Variants in AGBL4 observed in about 807,000 individuals in gnomAD.
AGBL4 encodes cytosolic carboxypeptidase 6.
Under a neutral mutation model 66.4 loss-of-function variants are expected in AGBL4, and 58 were observed. That is an observed-to-expected ratio of 0.87 (90% CI 0.71 to 1.09). AGBL4 has a LOEUF of 1.09. AGBL4 is among the 50% of genes least tolerant of loss of function. The probability of loss-of-function intolerance (pLI) is 0.00; values close to 1 mark genes in which losing one functional copy is unlikely to be tolerated. For synonymous variants in AGBL4, 234 were observed against 222.9 expected (o/e 1.05, Z -0.44); for missense variants, 579 against 631.0 (o/e 0.92, Z 0.88).
intron 3 of AGBL4, among the ~76,000 whole-genome samples, chr1:49,592,298 C>T (rs1644765961): frequency 4.6e-5 from 7 of 152,156 alleles, no homozygotes; most frequent in Admixed American, 4.6e-4. Context: ...AGGCTGGGCT[C>T]AGTGGCTCAC....
chr1:49,964,930 T>C (rs997676640), intron 1 of AGBL4, among the ~76,000 whole-genome samples: 5 of 152,178 alleles, frequency 3.3e-5, no homozygotes, highest in Non-Finnish European at 5.9e-5. Context: ...TGAATGTGAA[T>C]ATAAAACATA....
At chr1:49,878,321 A>G (rs1444055438) in intron 1 of AGBL4, among the ~76,000 whole-genome samples, 6 of 147,518 alleles carry the variant, frequency 4.1e-5, no homozygotes, top group African/African-American at 1.3e-4. Context: ...CCCTCTACAC[A>G]CTGCTTTGAA....
chr1:49,603,940 ACACAC>A (rs1645015736), intron 3 of AGBL4, among the ~76,000 whole-genome samples: 1 of 107,090 alleles, frequency 9.3e-6, no homozygotes, highest in African/African-American at 7.2e-5. Flanking sequence ...ACACACACAC[ACACAC>A]ACACACACAC....
chr1:48,872,771 T>A (rs1439389763), intron 5 of AGBL4, among the ~76,000 whole-genome samples: 2 of 152,064 alleles, frequency 1.3e-5, no homozygotes, highest in African/African-American at 4.8e-5. Flanking sequence ...TGAGCTCTGT[T>A]ATCCTAGGCA....
intron 2 of AGBL4, among the ~76,000 whole-genome samples, chr1:49,709,039 G>A (rs1254968154): frequency 2.6e-5 from 4 of 152,194 alleles, no homozygotes; most frequent in Non-Finnish European, 5.9e-5. Context: ...GGTGGTCAGG[G>A]ACCCAAATGA....
At chr1:49,122,609 T>G (rs1226124511) in intron 4 of AGBL4, among the ~76,000 whole-genome samples, 2 of 152,208 alleles carry the variant, frequency 1.3e-5, no homozygotes, top group African/African-American at 4.8e-5. Flanking sequence ...AGTTGTTAAG[T>G]GTAAAAGCTC....
intron 6 of AGBL4, among the ~76,000 whole-genome samples, chr1:48,728,845 A>G (rs1215882918): frequency 2.0e-5 from 3 of 152,238 alleles, no homozygotes; most frequent in African/African-American, 7.2e-5. Flanking sequence ...GCCCCATTTC[A>G]ATAGTACTTG....
intron 3 of AGBL4, among the ~76,000 whole-genome samples, chr1:49,278,057 G>A (rs2148398872): frequency 6.6e-6 from 1 of 152,240 alleles, no homozygotes; most frequent in South Asian, 2.1e-4. Flanking sequence ...TACAGAAGAG[G>A]AAACTGAAGC....
chr1:49,890,257 A>G (rs1648506044), intron 1 of AGBL4, among the ~76,000 whole-genome samples: 1 of 152,234 alleles, frequency 6.6e-6, no homozygotes, highest in Admixed American at 6.5e-5. Context: ...ATTAAAATCC[A>G]GCTCTGATTT....
intron 4 of AGBL4, among the ~76,000 whole-genome samples, chr1:49,114,093 C>G (rs1645468289): frequency 2.6e-5 from 4 of 152,220 alleles, no homozygotes; most frequent in African/African-American, 9.6e-5. Flanking sequence ...GACTTCTCCT[C>G]TCTAGCTATG....
intron 3 of AGBL4, among the ~76,000 whole-genome samples, chr1:49,395,785 ATATG>A (rs1180102147): frequency 2.2e-5 from 3 of 138,726 alleles, no homozygotes; most frequent in Admixed American, 7.6e-5. Context: ...ACATGTGTAT[ATATG>A]TATATATATA....
intron 3 of AGBL4, among the ~76,000 whole-genome samples, chr1:49,252,081 A>C (rs1652111855): frequency 6.6e-6 from 1 of 152,160 alleles, no homozygotes; most frequent in South Asian, 2.1e-4. Context: ...CAGAAATAGC[A>C]TTCAGAATAT....
At chr1:48,936,448 T>A (rs141178439) in intron 5 of AGBL4, among the ~76,000 whole-genome samples, 1 of 152,246 alleles carries the variant, frequency 6.6e-6, no homozygotes, top group Admixed American at 6.5e-5. Context: ...AAAAGAGACA[T>A]GAAAAGCCAG....
chr1:49,622,628 C>CAAAAAAA (rs71059557), intron 3 of AGBL4, among the ~76,000 whole-genome samples: 11 of 65,488 alleles, frequency 1.7e-4, no homozygotes, highest in East Asian at 6.6e-4. Context: ...GACTCCGTCT[C>CAAAAAAA]AAAAAAAAAA....
intron 9 of AGBL4, among the ~76,000 whole-genome samples, chr1:48,603,339 G>A (rs1645103956): frequency 6.6e-6 from 1 of 152,090 alleles, no homozygotes; most frequent in Non-Finnish European, 1.5e-5. Context: ...GTGTGGTAGT[G>A]CATGCCTGTA....
intron 3 of AGBL4, among the ~76,000 whole-genome samples, chr1:49,675,674 C>A (rs1031782981): frequency 1.8e-4 from 28 of 152,030 alleles, no homozygotes; most frequent in Non-Finnish European, 3.8e-4. Context: ...GTTGCCTTGT[C>A]CAAGGGATGG....
intron 1 of AGBL4, among the ~76,000 whole-genome samples, chr1:49,910,782 C>T (rs1021532996): frequency 1.3e-5 from 2 of 152,168 alleles, no homozygotes; most frequent in Non-Finnish European, 2.9e-5. Flanking sequence ...TTGAGACCAG[C>T]CTAGGCAACA....
intron 6 of AGBL4, among the ~76,000 whole-genome samples, chr1:48,824,182 A>AT (rs1646376400): frequency 6.6e-6 from 1 of 152,092 alleles, no homozygotes; most frequent in Non-Finnish European, 1.5e-5. Flanking sequence ...AGTCAAACCT[A>AT]TTTTTCTGCT....
intron 2 of AGBL4, among the ~76,000 whole-genome samples, chr1:49,796,268 TTA>T (rs949866064): frequency 1.3e-5 from 2 of 151,814 alleles, no homozygotes. Flanking sequence ...TGTAAAGTAA[TTA>T]TCAGCAGAGT....
Sources: gnomAD v4.1 joint callset for allele counts (sites outside exome capture counted in the v4.1 genomes callset) on GRCh38, gnomAD v4.1.1 for gene constraint, MANE v1.5 for transcripts, NCBI Gene and HGNC (gene_info 2026-07-23, HGNC 2026-07-21) for gene names.